Variants in CADM2 observed in about 807,000 individuals in gnomAD.
CADM2 encodes immunoglobulin superfamily member 4D.
CADM2 carries 12 observed loss-of-function variants against 49.8 expected under a neutral mutation model. The ratio of observed to expected loss-of-function variants is 0.24; its 90% CI spans 0.15 to 0.39. CADM2 has a LOEUF of 0.39. CADM2 is among the 10% of genes least tolerant of loss of function. CADM2 has a pLI of 1.00. For synonymous variants in CADM2, 214 were observed against 175.4 expected (o/e 1.22, Z -1.74); for missense variants, 378 against 492.3 (o/e 0.77, Z 2.20).
chr3:85,009,371 G>A (rs1409368401), intron 1 of CADM2, among the ~76,000 whole-genome samples: 1 of 152,134 alleles, frequency 6.6e-6, no homozygotes, highest in Admixed American at 6.6e-5. Context: ...TACAGCTCAC[G>A]AGTTGAAAGT....
intron 1 of CADM2, among the ~76,000 whole-genome samples, chr3:85,426,440 A>AT (rs921933631): frequency 2.6e-5 from 4 of 151,926 alleles, no homozygotes; most frequent in Admixed American, 6.6e-5. Context: ...GCTTTATACT[A>AT]TTTTTTTAAA....
At chr3:85,093,600 GA>G (rs1467928453) in intron 1 of CADM2, among the ~76,000 whole-genome samples, 1 of 151,902 alleles carries the variant, frequency 6.6e-6, no homozygotes, top group South Asian at 2.1e-4. Context: ...TTGATTAAGG[GA>G]AAATCAAATA....
Position 85,391,912 on chromosome 3 carries a change from G to T in CADM2, c.62-334610G>T, listed in dbSNP as rs544680338. ...AAATAGAATTCTACAATGTTCAAAA[G>T]AATTCCCTTCACTGTGAATTTGAGA... On this transcript the variant is annotated intron_variant, in intron 1 of 9. Coordinates refer to ENST00000383699, the MANE Select transcript of CADM2 (RefSeq NM_001167675.2). Among the ~76,000 whole-genome samples the T allele has an allele frequency of 3.0e-4, 46 of 152,120 alleles. 1 individual carries two copies. The highest frequency in any genetic ancestry group is 1.1e-3 in the African/African-American group (45 of 41,538).
chr3:85,533,061 A>C (rs905269535), intron 1 of CADM2, among the ~76,000 whole-genome samples: 17 of 152,162 alleles, frequency 1.1e-4, no homozygotes, highest in Non-Finnish European at 2.5e-4. Flanking sequence ...TACAAGACTT[A>C]ATACTTGGGT....
chr3:85,766,689 T>C (rs938832247), intron 2 of CADM2, among the ~76,000 whole-genome samples: 1 of 152,174 alleles, frequency 6.6e-6, no homozygotes, highest in South Asian at 2.1e-4. Context: ...AGTTCAGATA[T>C]ATTTTCCTGA....
intron 5 of CADM2, among the ~76,000 whole-genome samples, chr3:85,907,753 A>T (rs1044188391): frequency 1.3e-5 from 2 of 152,070 alleles, no homozygotes; most frequent in African/African-American, 4.8e-5. Flanking sequence ...TCTACAAAAA[A>T]TGCAAAAATT....
At chr3:85,392,873 A>T (rs1188489588) in intron 1 of CADM2, among the ~76,000 whole-genome samples, 2 of 152,078 alleles carry the variant, frequency 1.3e-5, no homozygotes, top group Non-Finnish European at 2.9e-5. Flanking sequence ...ATCCACATGG[A>T]GGCCTTCATA....
At chr3:85,533,799 A>G (rs2061370722) in intron 1 of CADM2, among the ~76,000 whole-genome samples, 1 of 152,194 alleles carries the variant, frequency 6.6e-6, no homozygotes, top group Admixed American at 6.6e-5. Flanking sequence ...TTCAGAAGCC[A>G]TGCACCATGG....
chr3:85,362,969 T>G (rs2032464915), intron 1 of CADM2, among the ~76,000 whole-genome samples: 1 of 152,194 alleles, frequency 6.6e-6, no homozygotes, highest in Admixed American at 6.5e-5. Context: ...CATTGCATAC[T>G]TTCTGCAAAT....
At chr3:86,063,861 G>A (rs1410035954) in intron 8 of CADM2, among the ~76,000 whole-genome samples, 2 of 151,940 alleles carry the variant, frequency 1.3e-5, no homozygotes, top group Non-Finnish European at 2.9e-5. Context: ...GAGGCTATCC[G>A]CAACAATGAA....
intron 1 of CADM2, among the ~76,000 whole-genome samples, chr3:85,244,300 C>T (rs1220207092): frequency 6.6e-6 from 1 of 151,882 alleles, no homozygotes; most frequent in East Asian, 1.9e-4. Context: ...TCTCTTGGGC[C>T]CTTTTGAATA....
At chr3:84,969,538 G>T (rs992878908) in intron 1 of CADM2, among the ~76,000 whole-genome samples, 1 of 150,618 alleles carries the variant, frequency 6.6e-6, no homozygotes, top group Non-Finnish European at 1.5e-5. Flanking sequence ...TCCACTGATT[G>T]ATTAGTTTTC....
intron 1 of CADM2, among the ~76,000 whole-genome samples, chr3:85,203,347 A>AT (rs761681034): frequency 2.6e-5 from 4 of 152,136 alleles, no homozygotes; most frequent in Non-Finnish European, 5.9e-5. Flanking sequence ...TAATTTTAAT[A>AT]TTATTGTGTG....
chr3:85,310,980 T>C (rs72921353), intron 1 of CADM2, among the ~76,000 whole-genome samples: 14,409 of 152,198 alleles, frequency 0.095, 1,409 homozygotes, highest in African/African-American at 0.25. Flanking sequence ...AGGCCAATAA[T>C]GAGAAAATGA....
intron 1 of CADM2, among the ~76,000 whole-genome samples, chr3:85,061,953 A>T (rs1450875100): frequency 6.6e-6 from 1 of 151,326 alleles, no homozygotes; most frequent in East Asian, 1.9e-4. Flanking sequence ...GAAAAAAAAT[A>T]TTTCAAGAAA....
intron 1 of CADM2, among the ~76,000 whole-genome samples, chr3:85,058,059 C>A (rs2036158839): frequency 6.6e-6 from 1 of 152,102 alleles, no homozygotes; most frequent in African/African-American, 2.4e-5. Flanking sequence ...CTCACAGATT[C>A]TTTGAATGGA....
chr3:85,835,098 G>A (rs1243336060), intron 3 of CADM2, among the ~76,000 whole-genome samples: 4 of 151,498 alleles, frequency 2.6e-5, no homozygotes, highest in African/African-American at 9.7e-5. Context: ...ACTTCTTGAT[G>A]GACATCCAAC....
chr3:86,030,151 T>C (rs1734387064), intron 8 of CADM2, among the ~76,000 whole-genome samples: 1 of 151,952 alleles, frequency 6.6e-6, no homozygotes, highest in Non-Finnish European at 1.5e-5. Context: ...AAAGAGAATG[T>C]TTTTATTATA....
intron 1 of CADM2, among the ~76,000 whole-genome samples, chr3:85,532,009 A>C (rs771262051): frequency 4.4e-4 from 67 of 152,218 alleles, no homozygotes; most frequent in Non-Finnish European, 7.2e-4. Flanking sequence ...AACCCCGTCT[A>C]TACTAACAAT....
Sources: allele counts gnomAD v4.1 joint callset (sites outside exome capture counted in the v4.1 genomes callset), GRCh38; gene constraint gnomAD v4.1.1; transcripts MANE v1.5; gene names NCBI Gene and HGNC (gene_info 2026-07-23, HGNC 2026-07-21).